NCAM2: variants seen among roughly 807,000 people sequenced by gnomAD.
The protein encoded by NCAM2 is N-CAM-2.
Under a neutral mutation model 98.1 loss-of-function variants are expected in NCAM2, and 30 were observed. The ratio of observed to expected loss-of-function variants is 0.31; its 90% CI spans 0.23 to 0.41. The LOEUF is 0.41. NCAM2 is among the 10% of genes least tolerant of loss of function. NCAM2 has a pLI of 1.00. For synonymous variants in NCAM2, 368 were observed against 342.4 expected, an observed-to-expected ratio of 1.07 and a Z score of -0.83; for missense variants, 867 against 1,005.8, an observed-to-expected ratio of 0.86 and a Z score of 1.87.
chr21:21,171,848 T>TG (rs11387601), intron 1 of NCAM2, among the ~76,000 whole-genome samples: 1 of 151,920 alleles, frequency 6.6e-6, no homozygotes, highest in Non-Finnish European at 1.5e-5. Flanking sequence ...TCAACAGAAT[T>TG]TTTTTTTTCG....
At chr21:21,083,421 A>G (rs911594181) in intron 1 of NCAM2, among the ~76,000 whole-genome samples, 60 of 116,408 alleles carry the variant, frequency 5.2e-4, no homozygotes, top group Non-Finnish European at 1.1e-3. Flanking sequence ...ACTATAAATC[A>G]TCTTTTTTTT....
In NCAM2 at chr21:21,147,188, T is replaced by A. The variant is rs1253584674; in HGVS notation, c.56-133390T>A. On this transcript the variant is annotated intron_variant, in intron 1 of 17. Transcript: ENST00000400546. The stretch of plus-strand genomic sequence containing the variant: ...CACCGGAGCTGGTACCGCTGCCTTC[T>A]ACTTCAGCACATGGAACTCTGCCTC... 15 of 985,284 alleles carry A rather than the reference T, an allele frequency of 1.5e-5. No homozygotes were observed. In the South Asian group the frequency reaches 5.6e-4, roughly 37 times the overall value. 61.0% of individuals were successfully genotyped at this position (985,284 alleles called of 1,614,324 possible). A position where few individuals can be genotyped will look rare whatever the true frequency, so the allele number is the denominator to read the frequency against.
chr21:21,202,786 T>G (rs1166432734), intron 1 of NCAM2, among the ~76,000 whole-genome samples: 1 of 152,022 alleles, frequency 6.6e-6, no homozygotes, highest in Non-Finnish European at 1.5e-5. Context: ...ATAAATTAGG[T>G]TAAGTTCTCA....
chr21:21,034,477 C>T (rs535288693), intron 1 of NCAM2, among the ~76,000 whole-genome samples: 1 of 152,190 alleles, frequency 6.6e-6, no homozygotes, highest in African/African-American at 2.4e-5. Context: ...GGCACAAAGG[C>T]TGATACTCAG....
intron 1 of NCAM2, among the ~76,000 whole-genome samples, chr21:21,254,122 TTTTA>T (rs2071575452): frequency 6.6e-6 from 1 of 152,216 alleles, no homozygotes. Context: ...TAAATATTCA[TTTTA>T]TTTAGTTTCA....
chr21:21,153,774 TTCAA>T (rs2067521930), intron 1 of NCAM2, among the ~76,000 whole-genome samples: 2 of 151,866 alleles, frequency 1.3e-5, no homozygotes, highest in Admixed American at 1.3e-4. Flanking sequence ...GAAAAGTACA[TTCAA>T]TCTATTAAGG....
intron 15 of NCAM2, among the ~76,000 whole-genome samples, chr21:21,488,971 CT>C (rs1176623513): frequency 6.6e-6 from 1 of 151,614 alleles, no homozygotes; most frequent in Non-Finnish European, 1.5e-5. Flanking sequence ...TTTTCTTTTT[CT>C]ATTTTAATTT....
At chr21:21,391,028 G>A (rs551138203) in intron 9 of NCAM2, among the ~76,000 whole-genome samples, 14 of 152,120 alleles carry the variant, frequency 9.2e-5, no homozygotes, top group South Asian at 4.1e-4. Context: ...CTGTATATTC[G>A]TTTAAAAACC....
chr21:21,160,594 A>G lies in NCAM2; in HGVS notation c.56-119984A>G, dbSNP rs9974976. Among the ~76,000 whole-genome samples, 621 of 152,148 alleles carry G rather than the reference A, an allele frequency of 4.1e-3. 4 individuals carry two copies. Among genetic ancestry groups the G allele is most frequent in the African/African-American group, 0.015 (606 of 41,566 alleles). On this transcript the variant is annotated intron_variant, in intron 1 of 17. Coordinates refer to ENST00000400546, the MANE Select transcript of NCAM2 (RefSeq NM_004540.5). Reference sequence around the variant, plus strand: ...CTTAGGGACTATACTGCAGTCTCATATCAGTAAAATTGGATGAATCTCATC... The same window carrying G: ...CTTAGGGACTATACTGCAGTCTCATGTCAGTAAAATTGGATGAATCTCATC...
In NCAM2 at chr21:21,118,588, A is replaced by G. The variant is rs529692250; in HGVS notation, c.55+119970A>G. On this transcript the variant is annotated intron_variant, in intron 1 of 17. Coordinates refer to ENST00000400546, the MANE Select transcript of NCAM2 (RefSeq NM_004540.5). ...ATCAGCAGCCATGTTAATTACCGTA[A>G]CTCTTAAACAAAGGGTATTGCTTTG... Among the ~76,000 whole-genome samples, 4 of 151,896 alleles carry G rather than the reference A, an allele frequency of 2.6e-5. No homozygotes were observed. In the South Asian group the frequency reaches 8.3e-4, roughly 32 times the overall value.
chr21:21,477,347 C>T lies in NCAM2; in HGVS notation c.1953C>T (p.Ile651=), dbSNP rs1985299371. The T allele has an allele frequency of 9.3e-6, 15 of 1,608,666 alleles. No homozygotes were observed. The highest frequency in any genetic ancestry group is 1.1e-5 in the Non-Finnish European group (13 of 1,176,544). Residue 651 remains isoleucine, a synonymous_variant, in exon 15 of 18, where the codon ATC becomes ATT. Transcript: ENST00000400546. ...AAGTGCAAGGAAATAAAGACCACAT[C>T]ATTTTGGAGCATCTCCAGTGGACCA... ...EKKVQGNKDH[I]ILEHLQWTMG...
rs59203448 is a variant in NCAM2, at chr21:21,480,366, C to CAAAAAAAAAAAAA, written c.2077+2904_2077+2916dup. ...TGGGCGACAGAGCGAGACTCCATCT[C>CAAAAAAAAAAAAA]AAAAAAAAAAAAAAAAAAAAAGAAT... On this transcript the variant is annotated intron_variant, in intron 15 of 17. Transcript: ENST00000400546. Among the ~76,000 whole-genome samples the CAAAAAAAAAAAAA allele has an allele frequency of 1.8e-3, 123 of 69,930 alleles. 5 individuals are homozygous for CAAAAAAAAAAAAA. Among genetic ancestry groups the CAAAAAAAAAAAAA allele is most frequent in the African/African-American group, 7.0e-3 (116 of 16,676 alleles). The allele number at this position is 69,930 out of a possible 152,430, so 45.9% of individuals were successfully genotyped here. A position where few individuals can be genotyped will look rare whatever the true frequency, so the allele number is the denominator to read the frequency against.
intron 15 of NCAM2, among the ~76,000 whole-genome samples, chr21:21,504,013 G>C (rs1358746698): frequency 6.6e-6 from 1 of 151,766 alleles, no homozygotes; most frequent in Non-Finnish European, 1.5e-5. Context: ...TTAAATAGTT[G>C]TACCTCCAAA....
At chr21:21,274,508 C>CT (rs1220470719) in intron 1 of NCAM2, among the ~76,000 whole-genome samples, 2 of 152,090 alleles carry the variant, frequency 1.3e-5, no homozygotes, top group African/African-American at 4.8e-5. Context: ...TTGTAATGCA[C>CT]TGTTATAAAA....
intron 1 of NCAM2, among the ~76,000 whole-genome samples, chr21:21,002,305 C>G (rs1165163459): frequency 6.6e-6 from 1 of 151,982 alleles, no homozygotes; most frequent in Non-Finnish European, 1.5e-5. Context: ...TTCAATGACA[C>G]AGGGAGCTAA....
At chr21:21,498,719 A>T (rs73326859) in intron 15 of NCAM2, among the ~76,000 whole-genome samples, 25,123 of 152,144 alleles carry the variant, frequency 0.17, 2,165 homozygotes, top group East Asian at 0.27. Flanking sequence ...TACAGTATTT[A>T]TTTTGGGGAG....
chr21:21,367,906 A>G (rs1207756955), intron 8 of NCAM2, among the ~76,000 whole-genome samples: 1 of 151,932 alleles, frequency 6.6e-6, no homozygotes, highest in Non-Finnish European at 1.5e-5. Context: ...ATATTACATT[A>G]AAGTAGGTAG....
intron 1 of NCAM2, among the ~76,000 whole-genome samples, chr21:21,032,632 A>T (rs2064708838): frequency 6.6e-6 from 1 of 152,230 alleles, no homozygotes; most frequent in African/African-American, 2.4e-5. Context: ...TAGTTATAAA[A>T]TATAGATTAG....
At chr21:21,375,911 G>A (rs232524) in intron 9 of NCAM2, among the ~76,000 whole-genome samples, 54,078 of 151,466 alleles carry the variant, frequency 0.36, 9,875 homozygotes, top group East Asian at 0.58. Context: ...AACATTTGCT[G>A]TATCATAGGA....
Sources: allele counts gnomAD v4.1 joint callset (sites outside exome capture counted in the v4.1 genomes callset), GRCh38; gene constraint gnomAD v4.1.1; transcripts MANE v1.5; gene names NCBI Gene and HGNC (gene_info 2026-07-23, HGNC 2026-07-21).